The following STXBP5L variants were observed in gnomAD, a reference collection of about 807,000 sequenced individuals.
STXBP5L encodes syntaxin binding protein 5L, also known as syntaxin-binding protein 5-like.
STXBP5L carries 65 observed loss-of-function variants against 144.5 expected under a neutral mutation model. The observed-to-expected ratio is 0.45, with a 90% CI of 0.37 to 0.55. The LOEUF (loss-of-function observed/expected upper bound fraction) is 0.55. Ranked by LOEUF, STXBP5L falls within the 20% of genes least tolerant of loss-of-function variation. STXBP5L has a pLI of 0.00. For missense variants in STXBP5L, 1,298 were observed against 1,405.5 expected (o/e 0.92, Z 1.22); for synonymous variants, 505 against 469.6 (o/e 1.08, Z -0.97).
chr3:121,024,413 G>C (rs563063509), intron 3 of STXBP5L, among the ~76,000 whole-genome samples: 1 of 152,068 alleles, frequency 6.6e-6, no homozygotes, highest in African/African-American at 2.4e-5. Context: ...TCTTTTTGGG[G>C]TTACTACTGA....
At chr3:121,170,352 G>C (rs2046661042) in intron 9 of STXBP5L, among the ~76,000 whole-genome samples, 1 of 151,918 alleles carries the variant, frequency 6.6e-6, no homozygotes, top group African/African-American at 2.4e-5. Flanking sequence ...GATCAGAGCA[G>C]AACTGAAGGA....
chr3:121,085,001 G>T (rs906568877), intron 5 of STXBP5L, among the ~76,000 whole-genome samples: 2 of 149,380 alleles, frequency 1.3e-5, no homozygotes, highest in African/African-American at 5.0e-5. Flanking sequence ...TTTGTCAACC[G>T]CATGTATGTC....
At chr3:121,347,679 T>C (rs2045060229) in intron 20 of STXBP5L, among the ~76,000 whole-genome samples, 1 of 152,130 alleles carries the variant, frequency 6.6e-6, no homozygotes, top group Non-Finnish European at 1.5e-5. Flanking sequence ...TTACATCCCT[T>C]GTAAGTTGGA....
intron 5 of STXBP5L, among the ~76,000 whole-genome samples, chr3:121,077,246 C>G (rs1240935483): frequency 6.6e-6 from 1 of 152,148 alleles, no homozygotes; most frequent in East Asian, 1.9e-4. Context: ...GGATGGGTCC[C>G]CAGAAATGTT....
intron 20 of STXBP5L, among the ~76,000 whole-genome samples, chr3:121,350,508 C>G (rs1018410654): frequency 6.6e-5 from 10 of 152,080 alleles, no homozygotes; most frequent in African/African-American, 2.4e-4. Flanking sequence ...ATTGGCCTGT[C>G]TTGCTAGATT....
intron 2 of STXBP5L, among the ~76,000 whole-genome samples, chr3:120,942,103 T>G (rs1710594844): frequency 6.6e-6 from 1 of 151,768 alleles, no homozygotes; most frequent in South Asian, 2.1e-4. Flanking sequence ...ATTTAGGACC[T>G]CATTCGTTTA....
At chr3:121,379,533 T>C (rs1365315628) in intron 21 of STXBP5L, among the ~76,000 whole-genome samples, 1 of 152,202 alleles carries the variant, frequency 6.6e-6, no homozygotes, top group Non-Finnish European at 1.5e-5. Context: ...AGATTTGCTA[T>C]AGTAATTCTA....
intron 7 of STXBP5L, among the ~76,000 whole-genome samples, chr3:121,147,361 T>C (rs2045755039): frequency 6.6e-6 from 1 of 152,130 alleles, no homozygotes; most frequent in South Asian, 2.1e-4. Flanking sequence ...TCTGAATAGC[T>C]TCTATGTCAT....
At chr3:121,186,144 T>A (rs1311632026) in intron 9 of STXBP5L, among the ~76,000 whole-genome samples, 1 of 152,164 alleles carries the variant, frequency 6.6e-6, no homozygotes, top group Non-Finnish European at 1.5e-5. Context: ...TGCACATCGA[T>A]TTTGTATCCT....
chr3:121,347,306 A>G (rs1236958124), intron 20 of STXBP5L, among the ~76,000 whole-genome samples: 4 of 151,914 alleles, frequency 2.6e-5, no homozygotes, highest in Non-Finnish European at 5.9e-5. Flanking sequence ...TGTTCCATTG[A>G]TCTATATCTC....
intron 23 of STXBP5L, among the ~76,000 whole-genome samples, chr3:121,410,243 T>C (rs751929597): frequency 4.6e-5 from 7 of 152,034 alleles, no homozygotes; most frequent in African/African-American, 7.2e-5. Context: ...CACACATACA[T>C]TGAGTCATTG....
At chr3:121,061,821 G>A (rs1209194946) in intron 5 of STXBP5L, among the ~76,000 whole-genome samples, 2 of 152,094 alleles carry the variant, frequency 1.3e-5, no homozygotes, top group Non-Finnish European at 2.9e-5. Context: ...CATTTGCTTG[G>A]TAAATGTTCC....
chr3:121,376,131 T>C (rs2046177141), intron 20 of STXBP5L, among the ~76,000 whole-genome samples: 1 of 152,222 alleles, frequency 6.6e-6, no homozygotes, highest in Admixed American at 6.5e-5. Flanking sequence ...CAGCACATAT[T>C]CTAGCATTTG....
intron 22 of STXBP5L, among the ~76,000 whole-genome samples, chr3:121,386,400 T>C (rs1176528823): frequency 6.6e-6 from 1 of 152,156 alleles, no homozygotes; most frequent in Non-Finnish European, 1.5e-5. Context: ...AATTTCATTA[T>C]TTATTTATTT....
At chr3:121,412,090 C>T (rs1414686252) in intron 23 of STXBP5L, among the ~76,000 whole-genome samples, 1 of 152,032 alleles carries the variant, frequency 6.6e-6, no homozygotes, top group Non-Finnish European at 1.5e-5. Context: ...TCTTAAGACC[C>T]ATGTCCAGGA....
chr3:120,988,740 C>G (rs755385267), intron 3 of STXBP5L, among the ~76,000 whole-genome samples: 1 of 151,900 alleles, frequency 6.6e-6, no homozygotes, highest in Admixed American at 6.6e-5. Context: ...AGTGGTTTGC[C>G]TAGGCTTTTA....
intron 9 of STXBP5L, among the ~76,000 whole-genome samples, chr3:121,204,010 C>T (rs904715474): frequency 4.6e-5 from 7 of 152,036 alleles, no homozygotes; most frequent in African/African-American, 1.7e-4. Context: ...AGGCTGAGAA[C>T]AGGTGGATCA....
chr3:121,102,692 T>C (rs1441414973), intron 5 of STXBP5L, among the ~76,000 whole-genome samples: 1 of 152,050 alleles, frequency 6.6e-6, no homozygotes, highest in East Asian at 1.9e-4. Context: ...AAATCAAAAA[T>C]TGACAAGTGG....
intron 2 of STXBP5L, among the ~76,000 whole-genome samples, chr3:120,939,105 AATTTCATC>A (rs1402500462): frequency 2.0e-5 from 3 of 152,144 alleles, no homozygotes; most frequent in Non-Finnish European, 1.5e-5. Context: ...TGTAAGCCTC[AATTTCATC>A]ATTTGTAATC....
Sources: gnomAD v4.1 joint callset for allele counts (sites outside exome capture counted in the v4.1 genomes callset) on GRCh38, gnomAD v4.1.1 for gene constraint, MANE v1.5 for transcripts, NCBI Gene and HGNC (gene_info 2026-07-23, HGNC 2026-07-21) for gene names.